The following EBF2 variants were observed in gnomAD, a reference collection of about 807,000 sequenced individuals.
The protein encoded by EBF2 is EBF transcription factor 2, also known as transcription factor COE2.
Under a neutral mutation model 72.8 loss-of-function variants are expected in EBF2, and 21 were observed. The observed-to-expected ratio is 0.29, with a 90% CI of 0.20 to 0.42. The LOEUF is 0.42. Among genes scored for constraint, EBF2 ranks in the 10% least tolerant of loss-of-function variants. The pLI is 1.00. For synonymous variants in EBF2, 299 were observed against 274.2 expected (o/e 1.09, Z -0.89); for missense variants, 637 against 731.2 (o/e 0.87, Z 1.49).
intron 5 of EBF2, among the ~76,000 whole-genome samples, chr8:26,038,918 G>T (rs1317342551): frequency 1.3e-5 from 2 of 152,198 alleles, no homozygotes; most frequent in African/African-American, 2.4e-5. Flanking sequence ...CACTAAATCA[G>T]ATAATCTGCA....
intron 7 of EBF2, among the ~76,000 whole-genome samples, chr8:25,900,716 G>T (rs961825470): frequency 6.6e-6 from 1 of 151,888 alleles, no homozygotes; most frequent in Non-Finnish European, 1.5e-5. Context: ...GTAAGCTGTC[G>T]ATTAGAGTGA....
At chr8:26,012,703 G>A (rs1387968609) in intron 6 of EBF2, among the ~76,000 whole-genome samples, 5 of 152,166 alleles carry the variant, frequency 3.3e-5, no homozygotes, top group Non-Finnish European at 7.4e-5. Flanking sequence ...CATATTTGCG[G>A]TGTTTGCCAG....
chr8:25,921,789 T>C (rs1803308524), intron 6 of EBF2, among the ~76,000 whole-genome samples: 1 of 152,218 alleles, frequency 6.6e-6, no homozygotes, highest in African/African-American at 2.4e-5. Context: ...GAATCTCTTC[T>C]TTCATTTTCT....
intron 6 of EBF2, among the ~76,000 whole-genome samples, chr8:25,940,315 G>A (rs1045545140): frequency 8.5e-5 from 13 of 152,238 alleles, no homozygotes; most frequent in African/African-American, 1.2e-4. Context: ...TACTAGCTGC[G>A]CATTTTACTG....
chr8:25,850,785 C>T (rs1333340298), intron 14 of EBF2, 24 bp from the exon 15 acceptor site: 4 of 1,543,850 alleles, frequency 2.6e-6, no homozygotes, highest in Middle Eastern at 1.7e-4. Flanking sequence ...GCACAATCCT[C>T]ATTTAGAAAT....
At chr8:25,848,726 G>A (rs1461719502) in intron 15 of EBF2, among the ~76,000 whole-genome samples, 1 of 152,128 alleles carries the variant, frequency 6.6e-6, no homozygotes, top group African/African-American at 2.4e-5. Flanking sequence ...AAGTGGCCAG[G>A]AATGAGGAAA....
Position 26,033,151 on chromosome 8 carries a change from C to T in EBF2, c.485G>A (p.Arg162Gln). 3 of 1,614,020 alleles carry T rather than the reference C, an allele frequency of 1.9e-6. No homozygotes were observed. The highest frequency in any genetic ancestry group is 1.3e-5 in the African/African-American group (1 of 75,010). The part of the protein sequence containing the change: ...VLLTHEVMCS[R>Q]CCEKKSCGNR... ...TCCACAGCTTTTCTTTTCGCAGCAT[C>T]GACTGTAGATTGGGAAGGAACCAAG... The change falls in exon 6 of 16, where the codon CGA (arginine) becomes CAA (glutamine). Residue 162 changes from arginine to glutamine, a missense_variant and splice_region_variant. Arg to Gln is a conservative substitution (Grantham distance 43). Transcript: ENST00000520164.
chr8:26,042,386 T>C (rs1805618305), intron 1 of EBF2, 135 bp from the exon 2 acceptor site: 1 of 1,144,970 alleles, frequency 8.7e-7, no homozygotes, highest in Admixed American at 2.9e-5. Flanking sequence ...TTCGGGCCTT[T>C]TTTCCAATTC....
intron 6 of EBF2, among the ~76,000 whole-genome samples, chr8:25,983,275 G>A (rs1804393173): frequency 6.6e-6 from 1 of 152,118 alleles, no homozygotes; most frequent in African/African-American, 2.4e-5. Flanking sequence ...GAGTGTGAAA[G>A]TTAAAATAAC....
chr8:25,991,686 A>C (rs1315496495), intron 6 of EBF2, among the ~76,000 whole-genome samples: 3 of 152,132 alleles, frequency 2.0e-5, no homozygotes, highest in African/African-American at 7.2e-5. Flanking sequence ...TCTCTACTAA[A>C]AATAGAAAAA....
chr8:25,959,050 G>A (rs1563192756), intron 6 of EBF2, among the ~76,000 whole-genome samples: 1 of 152,332 alleles, frequency 6.6e-6, no homozygotes, highest in South Asian at 2.1e-4. Context: ...TGCAGACCCC[G>A]AGGGGAGGAT....
chr8:26,044,681 A>G lies in EBF2; in HGVS notation c.131+48T>C, dbSNP rs765573659. 1.3e-6 allele frequency: 2 copies of G among 1,595,898 alleles called. No individual in the cohort carries two copies. On this transcript the variant is annotated intron_variant, in intron 1 of 15. Transcript: ENST00000520164. The surrounding 1 kb of genome is among the most constrained non-coding windows in gnomAD (Gnocchi z 4.1). ...GGGGGGGGTGCACACGGAGAGACAG[A>G]CCGTAAGAGCGAGAGACAGCATAAT...
intron 6 of EBF2, among the ~76,000 whole-genome samples, chr8:25,994,802 C>CA (rs1321083563): frequency 1.3e-5 from 2 of 151,208 alleles, no homozygotes; most frequent in Admixed American, 6.6e-5. Context: ...GGAGGGTAGG[C>CA]AAAAAAAACT....
At chr8:26,018,995 T>C (rs1156604939) in intron 6 of EBF2, among the ~76,000 whole-genome samples, 2 of 147,138 alleles carry the variant, frequency 1.4e-5, no homozygotes, top group Non-Finnish European at 3.0e-5. Flanking sequence ...TTAGGCATCC[T>C]CTCACTTTGC....
At chr8:25,884,794 T>A (rs1802663234) in intron 10 of EBF2, among the ~76,000 whole-genome samples, 1 of 152,124 alleles carries the variant, frequency 6.6e-6, no homozygotes, top group South Asian at 2.1e-4. Flanking sequence ...GATGTGCTTA[T>A]CTCAGGACAG....
chr8:25,920,948 G>T (rs993217578), intron 6 of EBF2, among the ~76,000 whole-genome samples: 1 of 152,106 alleles, frequency 6.6e-6, no homozygotes, highest in African/African-American at 2.4e-5. Context: ...TTGGGAAGAA[G>T]GGATGACTGA....
chr8:25,889,664 C>G, intron 8 of EBF2, 88 bp downstream of exon 8: 1 of 1,052,164 alleles, frequency 9.5e-7, no homozygotes, highest in Non-Finnish European at 1.4e-6. Context: ...TTTCTCTGCT[C>G]TGACTCCAAG....
intron 6 of EBF2, among the ~76,000 whole-genome samples, chr8:25,913,909 T>C (rs1021612093): frequency 6.6e-6 from 1 of 152,232 alleles, no homozygotes; most frequent in African/African-American, 2.4e-5. Context: ...TTGAGTTTCA[T>C]TGTTTGTGCA....
At chr8:25,988,742 C>A (rs912856922) in intron 6 of EBF2, among the ~76,000 whole-genome samples, 2 of 152,144 alleles carry the variant, frequency 1.3e-5, no homozygotes, top group African/African-American at 4.8e-5. Flanking sequence ...CAGATACCAT[C>A]CTCCAGCATT....
Sources: allele counts gnomAD v4.1 joint callset (sites outside exome capture counted in the v4.1 genomes callset), GRCh38; gene constraint gnomAD v4.1.1; non-coding constraint Gnocchi (gnomAD v3.1); transcripts MANE v1.5; gene names NCBI Gene and HGNC (gene_info 2026-07-23, HGNC 2026-07-21).